The following NEDD4L variants were observed in gnomAD, a reference collection of about 807,000 sequenced individuals.
The protein encoded by NEDD4L is E3 ubiquitin-protein ligase NEDD4-like.
In NEDD4L, 54 loss-of-function variants were observed where a neutral mutation model predicts 148.9. That is an observed-to-expected ratio of 0.36 (90% CI 0.29 to 0.45). The LOEUF is 0.45. NEDD4L is among the 20% of genes least tolerant of loss of function. The pLI is 1.00. For synonymous variants in NEDD4L, 433 were observed against 440.7 expected, an observed-to-expected ratio of 0.98 and a Z score of 0.22; for missense variants, 856 against 1,233.8, an observed-to-expected ratio of 0.69 and a Z score of 4.59.
intron 10 of NEDD4L, among the ~76,000 whole-genome samples, chr18:58,329,815 A>T (rs1488979008): frequency 6.6e-6 from 1 of 152,040 alleles, no homozygotes; most frequent in East Asian, 1.9e-4. Flanking sequence ...ATTTTTCAGT[A>T]TGAAAATCTT....
At chr18:58,276,212 TGG>T (rs58442069) in intron 5 of NEDD4L, among the ~76,000 whole-genome samples, 11 of 103,442 alleles carry the variant, frequency 1.1e-4, no homozygotes, top group African/African-American at 3.3e-4. Flanking sequence ...TTTTTTTTTT[TGG>T]GTGGGGAGGG....
At chr18:58,138,649 AGTCCATG>A (rs2033141149) in intron 1 of NEDD4L, among the ~76,000 whole-genome samples, 1 of 152,142 alleles carries the variant, frequency 6.6e-6, no homozygotes, top group African/African-American at 2.4e-5. Flanking sequence ...GAGGCTGGGA[AGTCCATG>A]ATCAAAGTAC....
chr18:58,256,837 T>A lies in NEDD4L; in HGVS notation c.297+4783T>A, dbSNP rs934209520. ...CAACTTCGATGCTTACTCTGCGGCG[T>A]AACCAAAATAAAACCTCACCCTCTG... On this transcript the variant is annotated intron_variant, in intron 5 of 30. Coordinates refer to ENST00000400345, the MANE Select transcript of NEDD4L (RefSeq NM_001144967.3). The surrounding 1 kb of genome is among the most constrained non-coding windows in gnomAD (Gnocchi z 5.2). 163 of 1,212,256 alleles carry A rather than the reference T, an allele frequency of 1.3e-4. No homozygotes were observed. Among genetic ancestry groups the A allele is most frequent in the Non-Finnish European group, 2.2e-5 (21 of 970,540 alleles). 75.1% of individuals were successfully genotyped at this position (1,212,256 alleles called of 1,614,324 possible).
At chr18:58,127,859 A>AG (rs1459036640) in intron 1 of NEDD4L, among the ~76,000 whole-genome samples, 66 of 146,650 alleles carry the variant, frequency 4.5e-4, no homozygotes, top group Non-Finnish European at 7.4e-4. Context: ...AAAAAAAAAA[A>AG]GAATCAACAT....
At position 58,399,184 on chromosome 18, in the gene NEDD4L, T is replaced by C. The variant is rs1893859; in HGVS notation, c.*2915T>C. 1 allele frequency: 152,120 copies of C among 152,298 alleles called. 75,971 individuals are homozygous for C. Among genetic ancestry groups the C allele is most frequent in the Middle Eastern group, 1 (296 of 296 alleles). The allele number at this position is 152,298 out of a possible 1,614,324, so 9.4% of individuals were successfully genotyped here. On this transcript the variant is annotated 3_prime_UTR_variant, in exon 31 of 31. Coordinates refer to ENST00000400345, the MANE Select transcript of NEDD4L (RefSeq NM_001144967.3). ...GGAAGGATGTGGAAAGAGCACCTGG[T>C]GGGATGAAGGTCCAACAGCCTGTGC...
chr18:58,337,655 T>C (rs1263106304), intron 13 of NEDD4L, among the ~76,000 whole-genome samples: 1 of 152,160 alleles, frequency 6.6e-6, no homozygotes, highest in African/African-American at 2.4e-5. Context: ...TTCTGGGACA[T>C]GTTAATAATT....
At chr18:58,209,735 G>A (rs2042411420) in intron 2 of NEDD4L, among the ~76,000 whole-genome samples, 1 of 151,880 alleles carries the variant, frequency 6.6e-6, no homozygotes, top group Non-Finnish European at 1.5e-5. Flanking sequence ...ATAAAAACTA[G>A]GAGGGAGGAA....
rs1398942158 is a variant in NEDD4L, at chr18:58,401,013, T to C, written c.*4744T>C. 1.3e-5 allele frequency: 2 copies of C among 152,180 alleles called. No homozygotes were observed. The highest frequency in any genetic ancestry group is 2.4e-5 in the African/African-American group (1 of 41,424). The allele number at this position is 152,180 out of a possible 1,614,324, so 9.4% of individuals were successfully genotyped here. On this transcript the variant is annotated 3_prime_UTR_variant, in exon 31 of 31. Coordinates refer to ENST00000400345, the MANE Select transcript of NEDD4L (RefSeq NM_001144967.3). Reference sequence around the variant, plus strand: ...GAAAGGAGGTGAGAGTTTAGTCCCTTCTGCAGTTTTCTCCAAGCTGTGTCC... The same window carrying C: ...GAAAGGAGGTGAGAGTTTAGTCCCTCCTGCAGTTTTCTCCAAGCTGTGTCC...
At chr18:58,325,189 A>G (rs1245377935) in intron 9 of NEDD4L, 27 bp downstream of exon 9, 1 of 1,611,386 alleles carries the variant, frequency 6.2e-7, no homozygotes, top group Non-Finnish European at 8.5e-7. Context: ...GGTCAGGAAC[A>G]CGTGCACGTG....
At chr18:58,335,205 C>T (rs2144885039) in intron 12 of NEDD4L, among the ~76,000 whole-genome samples, 1 of 152,232 alleles carries the variant, frequency 6.6e-6, no homozygotes, top group South Asian at 2.1e-4. Flanking sequence ...AAAACCAGAC[C>T]AGCTTTCCAT....
Position 58,391,557 on chromosome 18 carries a change from A to G in NEDD4L, c.2823A>G (p.Thr941=). The part of the protein sequence containing the change: ...GSPEKLPRAH[T]CFNRLDLPPY... ...CTGAGAAACTGCCCAGAGCTCACACATGGTGAGTGACAAAAACACATGCAT... is the reference window on the plus strand; with the variant it reads ...CTGAGAAACTGCCCAGAGCTCACACGTGGTGAGTGACAAAAACACATGCAT... The change falls in exon 30 of 31, where the codon ACA becomes ACG. Residue 941 remains threonine (T), a splice_region_variant and synonymous_variant. Coordinates refer to ENST00000400345, the MANE Select transcript of NEDD4L (RefSeq NM_001144967.3). 6.4e-7 allele frequency: 1 copy of G among 1,565,462 alleles called. No homozygotes were observed. The highest frequency in any genetic ancestry group is 8.7e-7 in the Non-Finnish European group (1 of 1,153,162).
intron 2 of NEDD4L, among the ~76,000 whole-genome samples, chr18:58,215,126 A>G (rs1257174101): frequency 1.3e-5 from 2 of 152,078 alleles, no homozygotes. Context: ...GTTTCGTGAT[A>G]TATCTATGTG....
intron 2 of NEDD4L, among the ~76,000 whole-genome samples, chr18:58,217,828 A>G (rs1276127488): frequency 6.6e-6 from 1 of 152,224 alleles, no homozygotes; most frequent in Non-Finnish European, 1.5e-5. Flanking sequence ...GAAATAGTTT[A>G]TGAATTTGGA....
At position 58,166,919 on chromosome 18, in the gene NEDD4L, C is replaced by G. The variant is rs1245722122; in HGVS notation, c.122+1058C>G. Reference sequence around the variant, plus strand: ...GCTAGCTGTTCCATCCCGCACACCCCCACAGAAGCCTTTTGCTGCCATTAG... The same window carrying G: ...GCTAGCTGTTCCATCCCGCACACCCGCACAGAAGCCTTTTGCTGCCATTAG... On this transcript the variant is annotated intron_variant, in intron 2 of 30. Transcript: ENST00000400345. 1.1e-4 allele frequency among the ~76,000 whole-genome samples: 16 copies of G among 152,288 alleles called. No homozygotes were observed. In the East Asian group the frequency reaches 2.9e-3, roughly 28 times the overall value.
At chr18:58,084,122 G>A (rs1159538605) in intron 1 of NEDD4L, among the ~76,000 whole-genome samples, 1 of 152,152 alleles carries the variant, frequency 6.6e-6, no homozygotes. Context: ...GGAACTGAAC[G>A]AATCCAGGCA....
At chr18:58,178,767 G>C (rs909087089) in intron 2 of NEDD4L, among the ~76,000 whole-genome samples, 63 of 152,294 alleles carry the variant, frequency 4.1e-4, no homozygotes, top group African/African-American at 1.5e-3. Context: ...AGGGTTGTTC[G>C]CATTTTTATC....
At chr18:58,277,373 G>T (rs1183652022) in intron 5 of NEDD4L, among the ~76,000 whole-genome samples, 2 of 152,192 alleles carry the variant, frequency 1.3e-5, no homozygotes, top group Admixed American at 1.3e-4. Context: ...CTCTCTTCCT[G>T]GGGGCAGGAG....
In NEDD4L at chr18:58,062,255, C is replaced by T. The variant is rs1436048327; in HGVS notation, c.48+17547C>T. 7.9e-5 allele frequency among the ~76,000 whole-genome samples: 12 copies of T among 152,226 alleles called. No homozygotes were observed. In the East Asian group the frequency reaches 2.1e-3, roughly 27 times the overall value. The stretch of plus-strand genomic sequence containing the variant: ...GGTGCACTTGGGCTGTTGGGACCAT[C>T]TGGTGAGTGTGAGGTCTCTGTACTT... On this transcript the variant is annotated intron_variant, in intron 1 of 30. Coordinates refer to ENST00000400345, the MANE Select transcript of NEDD4L (RefSeq NM_001144967.3).
intron 2 of NEDD4L, among the ~76,000 whole-genome samples, chr18:58,238,676 T>A (rs1163889857): frequency 6.6e-6 from 1 of 152,174 alleles, no homozygotes; most frequent in Non-Finnish European, 1.5e-5. Context: ...CAGTAAATAT[T>A]TACCTGCCTC....
Sources: allele counts gnomAD v4.1 joint callset (sites outside exome capture counted in the v4.1 genomes callset), GRCh38; gene constraint gnomAD v4.1.1; non-coding constraint Gnocchi (gnomAD v3.1); transcripts MANE v1.5; gene names NCBI Gene and HGNC (gene_info 2026-07-23, HGNC 2026-07-21).